KCNJ9: variants seen among roughly 807,000 people sequenced by gnomAD.
KCNJ9 encodes the protein G protein-activated inward rectifier potassium channel 3.
A neutral mutation model predicts 27.9 loss-of-function variants in KCNJ9; 18 were observed. That is an observed-to-expected ratio of 0.65 (90% CI 0.45 to 0.96). KCNJ9 has a LOEUF of 0.96. KCNJ9 is among the 40% of genes least tolerant of loss of function. The pLI, the probability that KCNJ9 is intolerant of heterozygous loss-of-function variation, is 0.00. For missense variants in KCNJ9, 324 were observed against 557.5 expected (o/e 0.58, Z 4.22); for synonymous variants, 229 against 248.2 (o/e 0.92, Z 0.73).
Position 160,084,302 on chromosome 1 carries a change from A to G in KCNJ9, c.272A>G (p.His91Arg). The change falls in exon 2 of 3, where the codon CAC (histidine) becomes CGC (arginine). Residue 91 changes from histidine (H) to arginine (R), a missense_variant. His to Arg is a conservative substitution (Grantham distance 29). Around this residue, in one of 3 missense-constraint regions of KCNJ9, gnomAD observed 241 missense variants for 481.7 expected, o/e 0.50. Coordinates refer to ENST00000368088, the MANE Select transcript of KCNJ9 (RefSeq NM_004983.3). Reference sequence around the variant, plus strand: ...GCCTACGGCCGCGGCGACCTGGAGCACCTGGAGGACACCGCGTGGACGCCG... The same window carrying G: ...GCCTACGGCCGCGGCGACCTGGAGCGCCTGGAGGACACCGCGTGGACGCCG... ...LIAYGRGDLE[H>R]LEDTAWTPCV... 6.2e-7 allele frequency: 1 copy of G among 1,613,456 alleles called. No homozygotes were observed. Among genetic ancestry groups the G allele is most frequent in the Non-Finnish European group, 8.5e-7 (1 of 1,179,954 alleles).
Position 160,083,913 on chromosome 1 carries a change from T to C in KCNJ9, c.-114-4T>C, listed in dbSNP as rs1649727699. 1.0e-6 allele frequency: 1 copy of C among 957,280 alleles called. No homozygotes were observed. The highest frequency in any genetic ancestry group is 4.1e-5 in the East Asian group (1 of 24,292). 59.3% of individuals were successfully genotyped at this position (957,280 alleles called of 1,614,324 possible). On this transcript the variant is annotated splice_polypyrimidine_tract_variant and splice_region_variant and intron_variant, in intron 1 of 2. Transcript: ENST00000368088. ...GGCCACTCATTCGGCAAACCTTTAT[T>C]AAGCCCCTCCAGGACCCCCGACGCC...
chr1:160,084,090 C>T lies in KCNJ9; in HGVS notation c.60C>T (p.Gly20=). ...PGQEEPPRRR[G]RQRYVEKDGR... is the part of the protein sequence containing the mutation. Reference sequence around the variant, plus strand: ...AGGAGGAGCCGCCGCGGCGCCGCGGCCGCCAGCGCTACGTGGAGAAGGATG... The same window carrying T: ...AGGAGGAGCCGCCGCGGCGCCGCGGTCGCCAGCGCTACGTGGAGAAGGATG... Residue 20 remains glycine, a synonymous_variant, in exon 2 of 3, where the codon GGC becomes GGT. Transcript: ENST00000368088. 1.9e-6 allele frequency: 3 copies of T among 1,540,526 alleles called. No homozygotes were observed. The highest frequency in any genetic ancestry group is 1.7e-6 in the Non-Finnish European group (2 of 1,145,638).
In KCNJ9 at chr1:160,084,863, G is replaced by T; in HGVS notation, c.833G>T (p.Gly278Val). Residue 278 changes from glycine to valine, a missense_variant, in exon 2 of 3, where the codon GGC becomes GTC. This residue lies in a region of KCNJ9 where 241 missense variants were observed against 481.7 expected (regional missense o/e 0.50). Transcript: ENST00000368088. ...DDFEIVVILE[G>V]MVEATGMTCQ... ...TTCGAGATCGTCGTTATCCTCGAGG[G>T]CATGGTGGAAGCCACGGGTGCGAGC... 1 of 1,532,422 alleles carries T rather than the reference G, an allele frequency of 6.5e-7. No homozygotes were observed. Among genetic ancestry groups the T allele is most frequent in the Non-Finnish European group, 8.8e-7 (1 of 1,139,192 alleles). The allele number at this position is 1,532,422 out of a possible 1,614,324, so 94.9% of individuals were successfully genotyped here.
At position 160,084,082 on chromosome 1, in the gene KCNJ9, C is replaced by T. The variant is rs1649731885; in HGVS notation, c.52C>T (p.Arg18Cys). The T allele has an allele frequency of 1.3e-6, 2 of 1,537,462 alleles. No homozygotes were observed. Among genetic ancestry groups the T allele is most frequent in the African/African-American group, 1.4e-5 (1 of 72,840 alleles). Reference sequence around the variant, plus strand: ...GCCCGGGCAGGAGGAGCCGCCGCGGCGCCGCGGCCGCCAGCGCTACGTGGA... The same window carrying T: ...GCCCGGGCAGGAGGAGCCGCCGCGGTGCCGCGGCCGCCAGCGCTACGTGGA... Reference protein sequence around the residue: ...FSPGQEEPPRRRGRQRYVEKD... With the variant: ...FSPGQEEPPRCRGRQRYVEKD... The change falls in exon 2 of 3, where the codon CGC becomes TGC. Residue 18 changes from arginine (R) to cysteine (C), a missense_variant. Physicochemically the swap from Arg to Cys is radical, Grantham distance 180. This residue lies in a region of KCNJ9 where 32 missense variants were observed against 31.7 expected (regional missense o/e 1.01). Coordinates refer to ENST00000368088, the MANE Select transcript of KCNJ9 (RefSeq NM_004983.3).
rs768574656 is a variant in KCNJ9 at position 160,084,879 on chromosome 1, G to A, written c.849G>A (p.Thr283=). 2.6e-6 allele frequency: 4 copies of A among 1,526,054 alleles called. No individual in the cohort carries two copies. The highest frequency in any genetic ancestry group is 2.0e-5 in the Admixed American group (1 of 50,696). The allele number at this position is 1,526,054 out of a possible 1,614,324, so 94.5% of individuals were successfully genotyped here. Residue 283 remains threonine (T), a splice_region_variant and synonymous_variant, in exon 2 of 3, where the codon ACG becomes ACA. Coordinates refer to ENST00000368088, the MANE Select transcript of KCNJ9 (RefSeq NM_004983.3). ...VVILEGMVEA[T]GMTCQARSSY... ...TCCTCGAGGGCATGGTGGAAGCCACGGGTGCGAGCAGGCCTGGGGAGGGGA... is the reference window on the plus strand; with the variant it reads ...TCCTCGAGGGCATGGTGGAAGCCACAGGTGCGAGCAGGCCTGGGGAGGGGA...
intron 2 of KCNJ9, among the ~76,000 whole-genome samples, chr1:160,086,759 C>T (rs982495952): frequency 2.6e-5 from 4 of 152,146 alleles, no homozygotes; most frequent in East Asian, 1.9e-4. Flanking sequence ...AGAGATGGTG[C>T]GCGCTCTCTT....
Position 160,087,503 on chromosome 1 carries a change from C to T in KCNJ9, c.868C>T (p.Arg290Trp). 1.2e-6 allele frequency: 2 copies of T among 1,602,370 alleles called. No individual in the cohort carries two copies. The highest frequency in any genetic ancestry group is 1.7e-6 in the Non-Finnish European group (2 of 1,172,164). Residue 290 changes from arginine to tryptophan, a missense_variant, in exon 3 of 3, where the codon CGG (arginine) becomes TGG (tryptophan). Arg to Trp is a moderately radical substitution (Grantham distance 101). Coordinates refer to ENST00000368088, the MANE Select transcript of KCNJ9 (RefSeq NM_004983.3). ...CCTCCCAGGAATGACATGCCAAGCT[C>T]GGAGCTCCTACCTGGTAGACGAGGT... ...VEATGMTCQA[R>W]SSYLVDEVLW...
intron 2 of KCNJ9, among the ~76,000 whole-genome samples, chr1:160,085,282 A>G (rs1649756845): frequency 6.6e-6 from 1 of 152,250 alleles, no homozygotes; most frequent in African/African-American, 2.4e-5. Flanking sequence ...CTCACTTTTT[A>G]GAGATGAGAT....
chr1:160,087,343 G>C (rs1321385284), intron 2 of KCNJ9, 143 bp from the exon 3 acceptor site: 1 of 1,270,180 alleles, frequency 7.9e-7, no homozygotes. Flanking sequence ...GCTAGGGAGG[G>C]GGGGAAATGG....
chr1:160,083,467 A>G (rs1231059537), intron 1 of KCNJ9, among the ~76,000 whole-genome samples: 1 of 152,166 alleles, frequency 6.6e-6, no homozygotes, highest in African/African-American at 2.4e-5. Flanking sequence ...TGGTGGCTGC[A>G]CTGGCTACAG....
At chr1:160,082,961 T>C (rs989368824) in intron 1 of KCNJ9, among the ~76,000 whole-genome samples, 2 of 151,912 alleles carry the variant, frequency 1.3e-5, no homozygotes, top group Admixed American at 6.6e-5. Flanking sequence ...GGTGTTAGGA[T>C]AGTCCATGGG....
In KCNJ9 at chr1:160,084,338, A is replaced by T. The variant is rs1424471157; in HGVS notation, c.308A>T (p.Asn103Ile). 6.2e-7 allele frequency: 1 copy of T among 1,613,484 alleles called. No individual in the cohort carries two copies. The highest frequency in any genetic ancestry group is 8.5e-7 in the Non-Finnish European group (1 of 1,179,908). The change falls in exon 2 of 3, where the codon AAC (asparagine) becomes ATC (isoleucine). Residue 103 changes from asparagine to isoleucine, a missense_variant. Coordinates refer to ENST00000368088, the MANE Select transcript of KCNJ9 (RefSeq NM_004983.3). ...EDTAWTPCVN[N>I]LNGFVAAFLF... ...ACCGCGTGGACGCCGTGCGTCAACA[A>T]CCTCAACGGCTTCGTGGCCGCCTTC...
intron 1 of KCNJ9, among the ~76,000 whole-genome samples, chr1:160,081,927 G>T (rs1649684288): frequency 6.6e-6 from 1 of 152,306 alleles, no homozygotes; most frequent in South Asian, 2.1e-4. Flanking sequence ...TAGGTTGGAG[G>T]AACTGAAATT....
intron 2 of KCNJ9, 100 bp downstream of exon 2, chr1:160,084,980 G>T (rs1649751513): frequency 1.5e-6 from 2 of 1,310,684 alleles, no homozygotes; most frequent in Non-Finnish European, 2.0e-6. Context: ...GGGGAGGATG[G>T]ATGGAGGGGC....
chr1:160,089,478 A>C lies in KCNJ9; in HGVS notation c.*1661A>C, dbSNP rs1419157743. The C allele has an allele frequency of 6.6e-6, 1 of 152,366 alleles. No homozygotes were observed. The highest frequency in any genetic ancestry group is 1.9e-4 in the East Asian group (1 of 5,196). The allele number at this position is 152,366 out of a possible 1,614,324, so 9.4% of individuals were successfully genotyped here. A position where few individuals can be genotyped will look rare whatever the true frequency, so the allele number is the denominator to read the frequency against. Reference sequence around the variant, plus strand: ...GAGGTCGGGGGGAGGTGGAGCAGGAAGAGTTTTAGGGGCAAAGGACAGAAC... The same window carrying C: ...GAGGTCGGGGGGAGGTGGAGCAGGACGAGTTTTAGGGGCAAAGGACAGAAC... On this transcript the variant is annotated 3_prime_UTR_variant, in exon 3 of 3. Transcript: ENST00000368088.
chr1:160,081,793 G>A (rs1194414591), intron 1 of KCNJ9, 96 bp downstream of exon 1: 10 of 152,152 alleles, frequency 6.6e-5, no homozygotes, highest in African/African-American at 2.4e-4. Context: ...TTTTCACCAG[G>A]TCTCTCCTTC....
rs901977079 is a variant in KCNJ9 at position 160,089,575 on chromosome 1, G to T, written c.*1758G>T. 1 of 152,300 alleles carries T rather than the reference G, an allele frequency of 6.6e-6. No homozygotes were observed. The highest frequency in any genetic ancestry group is 1.5e-5 in the Non-Finnish European group (1 of 68,124). The allele number at this position is 152,300 out of a possible 1,614,324, so 9.4% of individuals were successfully genotyped here. On this transcript the variant is annotated 3_prime_UTR_variant, in exon 3 of 3. Coordinates refer to ENST00000368088, the MANE Select transcript of KCNJ9 (RefSeq NM_004983.3). ...AGAAGCGATAGGAGTTAGAACATCT[G>T]GATGTGTCTGCAGCCTGCTGTCAGC...
At chr1:160,082,970 G>C (rs1448595124) in intron 1 of KCNJ9, among the ~76,000 whole-genome samples, 2 of 152,202 alleles carry the variant, frequency 1.3e-5, no homozygotes, top group Non-Finnish European at 2.9e-5. Flanking sequence ...ATAGTCCATG[G>C]GAAGTAAGAG....
intron 2 of KCNJ9, among the ~76,000 whole-genome samples, chr1:160,086,164 T>A (rs916525364): frequency 2.0e-5 from 3 of 152,158 alleles, no homozygotes; most frequent in African/African-American, 7.2e-5. Flanking sequence ...TTCTCTTCTC[T>A]CCCACTGGAT....
Sources: allele counts gnomAD v4.1 joint callset (sites outside exome capture counted in the v4.1 genomes callset), GRCh38; gene constraint gnomAD v4.1.1; regional missense constraint gnomAD v4.1.1; transcripts MANE v1.5; gene names NCBI Gene and HGNC (gene_info 2026-07-23, HGNC 2026-07-21).